RAB3C: variants seen among roughly 807,000 people sequenced by gnomAD.
RAB3C encodes the protein ras-related protein Rab-3C.
Under a neutral mutation model 26.4 loss-of-function variants are expected in RAB3C, and 17 were observed. That is an observed-to-expected ratio of 0.64 (90% CI 0.44 to 0.97). The LOEUF (loss-of-function observed/expected upper bound fraction) is 0.97. Among genes scored for constraint, RAB3C ranks in the 50% least tolerant of loss-of-function variants. The pLI is 0.00. For missense variants in RAB3C, 242 were observed against 281.9 expected (o/e 0.86, Z 1.01); for synonymous variants, 91 against 95.9 (o/e 0.95, Z 0.30).
intron 3 of RAB3C, among the ~76,000 whole-genome samples, chr5:58,735,486 G>A (rs1458379821): frequency 1.3e-5 from 2 of 152,160 alleles, no homozygotes; most frequent in Non-Finnish European, 2.9e-5. Context: ...TAGTTTGCTA[G>A]GGTTGTTGTA....
chr5:58,597,701 T>G, intron 1 of RAB3C, among the ~76,000 whole-genome samples: 1 of 112,410 alleles, frequency 8.9e-6, no homozygotes, highest in Non-Finnish European at 2.0e-5. Context: ...TATATAAGTA[T>G]ATAATATAAT....
chr5:58,801,966 C>T (rs1053542464), intron 3 of RAB3C, among the ~76,000 whole-genome samples: 29 of 152,292 alleles, frequency 1.9e-4, no homozygotes, highest in African/African-American at 6.3e-4. Flanking sequence ...CTCCATAAAA[C>T]CAGCATCCAA....
chr5:58,616,093 C>A (rs955824194), intron 1 of RAB3C, among the ~76,000 whole-genome samples: 7 of 151,954 alleles, frequency 4.6e-5, no homozygotes, highest in African/African-American at 1.7e-4. Context: ...TCTCTTGGAG[C>A]CTCTCCCTTT....
chr5:58,652,846 G>A (rs1747688142), intron 2 of RAB3C, among the ~76,000 whole-genome samples: 1 of 151,932 alleles, frequency 6.6e-6, no homozygotes, highest in African/African-American at 2.4e-5. Flanking sequence ...ATTGTTTATT[G>A]CTAGAAATTT....
intron 3 of RAB3C, among the ~76,000 whole-genome samples, chr5:58,726,434 T>C (rs1157258607): frequency 6.6e-6 from 1 of 151,930 alleles, no homozygotes; most frequent in Non-Finnish European, 1.5e-5. Flanking sequence ...GGTTTGGAAG[T>C]TTACTGATCT....
rs572856232 is a variant in RAB3C, at chr5:58,799,738, T to C, written c.372-25300T>C. ...TACTGAATTCATTCCATGTCAATCATTAAGGCCTAATGTAAACTCTTGTAG... is the reference window on the plus strand; with the variant it reads ...TACTGAATTCATTCCATGTCAATCACTAAGGCCTAATGTAAACTCTTGTAG... On this transcript the variant is annotated intron_variant, in intron 3 of 4. Transcript: ENST00000282878. 3.1e-3 allele frequency among the ~76,000 whole-genome samples: 466 copies of C among 152,252 alleles called. 2 individuals are homozygous for C. The highest frequency in any genetic ancestry group is 0.011 in the African/African-American group (447 of 41,548).
At chr5:58,664,276 A>G (rs1416273378) in intron 2 of RAB3C, among the ~76,000 whole-genome samples, 2 of 152,198 alleles carry the variant, frequency 1.3e-5, no homozygotes, top group Non-Finnish European at 2.9e-5. Context: ...ATACTATCGA[A>G]TACAACTGAG....
chr5:58,616,981 A>C (rs2111721227), intron 1 of RAB3C, among the ~76,000 whole-genome samples: 1 of 152,264 alleles, frequency 6.6e-6, no homozygotes, highest in Non-Finnish European at 1.5e-5. Context: ...ACTTAATAAT[A>C]TCTCTGGGCC....
intron 2 of RAB3C, among the ~76,000 whole-genome samples, chr5:58,638,347 C>A (rs1747331058): frequency 6.6e-6 from 1 of 151,822 alleles, no homozygotes; most frequent in Non-Finnish European, 1.5e-5. Flanking sequence ...ATTTGTGAGG[C>A]TTTTTCCTCT....
intron 3 of RAB3C, among the ~76,000 whole-genome samples, chr5:58,735,246 G>A (rs1741108343): frequency 6.6e-6 from 1 of 152,176 alleles, no homozygotes; most frequent in African/African-American, 2.4e-5. Context: ...TGTTTACAGT[G>A]TGAGCAGGGC....
At chr5:58,833,170 G>A (rs937057784) in intron 4 of RAB3C, among the ~76,000 whole-genome samples, 10 of 152,020 alleles carry the variant, frequency 6.6e-5, no homozygotes, top group African/African-American at 2.2e-4. Flanking sequence ...CTGGCTAAAG[G>A]ATAGACTGGA....
intron 2 of RAB3C, among the ~76,000 whole-genome samples, chr5:58,645,459 G>T (rs992362195): frequency 2.0e-5 from 3 of 152,188 alleles, no homozygotes; most frequent in Non-Finnish European, 2.9e-5. Context: ...CTTTGAGTAA[G>T]ATAATTGTTG....
chr5:58,720,938 A>G (rs889875272), intron 2 of RAB3C, among the ~76,000 whole-genome samples: 2 of 151,844 alleles, frequency 1.3e-5, no homozygotes, highest in African/African-American at 4.8e-5. Context: ...AATGACTGCT[A>G]TTTCCTCAGT....
At chr5:58,585,160 A>T (rs925253374) in intron 1 of RAB3C, among the ~76,000 whole-genome samples, 60 of 152,010 alleles carry the variant, frequency 3.9e-4, no homozygotes, top group Non-Finnish European at 1.2e-4. Context: ...TTTTTAGCAT[A>T]TTTAATTAAA....
chr5:58,700,081 T>G (rs1748809963), intron 2 of RAB3C, among the ~76,000 whole-genome samples: 1 of 152,202 alleles, frequency 6.6e-6, no homozygotes, highest in African/African-American at 2.4e-5. Context: ...GAGCTGTTCC[T>G]ATTCAGTTAT....
At chr5:58,598,886 A>C (rs1245793586) in intron 1 of RAB3C, among the ~76,000 whole-genome samples, 1 of 152,154 alleles carries the variant, frequency 6.6e-6, no homozygotes, top group Non-Finnish European at 1.5e-5. Flanking sequence ...AACCATTTGC[A>C]TTTCAGAGAA....
At chr5:58,641,690 G>C (rs539464124) in intron 2 of RAB3C, among the ~76,000 whole-genome samples, 17 of 152,200 alleles carry the variant, frequency 1.1e-4, no homozygotes, top group African/African-American at 3.9e-4. Context: ...CTGTTCCTCA[G>C]GGCTGCAGGT....
intron 3 of RAB3C, chr5:58,741,645 T>G (rs1741276076): frequency 6.6e-6 from 1 of 152,122 alleles, no homozygotes; most frequent in African/African-American, 2.4e-5. Context: ...TGAATAGTAA[T>G]CACATACCAC....
chr5:58,709,914 TATC>T (rs1446895178), intron 2 of RAB3C, among the ~76,000 whole-genome samples: 2 of 152,212 alleles, frequency 1.3e-5, no homozygotes, highest in African/African-American at 4.8e-5. Context: ...CATTTGCTGT[TATC>T]ATTGATCTTA....
Sources: allele counts gnomAD v4.1 joint callset (sites outside exome capture counted in the v4.1 genomes callset), GRCh38; gene constraint gnomAD v4.1.1; transcripts MANE v1.5; gene names NCBI Gene and HGNC (gene_info 2026-07-23, HGNC 2026-07-21).